SGCZ: variants seen among roughly 807,000 people sequenced by gnomAD.
SGCZ encodes the protein zeta-sarcoglycan.
A neutral mutation model predicts 41.3 loss-of-function variants in SGCZ; 40 were observed. That is an observed-to-expected ratio of 0.97 (90% CI 0.75 to 1.26). The LOEUF (loss-of-function observed/expected upper bound fraction) is 1.26. SGCZ is among the 50% of genes most tolerant of loss of function. The probability of loss-of-function intolerance (pLI) is 0.00; values close to 1 mark genes in which losing one functional copy is unlikely to be tolerated. For missense variants in SGCZ, 552 were observed against 369.8 expected (o/e 1.49, Z -4.04); for synonymous variants, 206 against 137.5 (o/e 1.50, Z -3.49).
At chr8:15,234,220 A>G (rs531725791) in intron 1 of SGCZ, among the ~76,000 whole-genome samples, 2 of 152,306 alleles carry the variant, frequency 1.3e-5, no homozygotes, top group Admixed American at 1.3e-4. Flanking sequence ...ATAAAGGCTA[A>G]AGCTAGCAGT....
intron 1 of SGCZ, among the ~76,000 whole-genome samples, chr8:14,617,693 G>T (rs987477674): frequency 2.0e-5 from 3 of 152,130 alleles, no homozygotes; most frequent in Admixed American, 2.0e-4. Context: ...CGTCAAGAAA[G>T]AGTAGTATTT....
At chr8:14,374,128 G>A (rs987612196) in intron 2 of SGCZ, among the ~76,000 whole-genome samples, 6 of 152,060 alleles carry the variant, frequency 3.9e-5, no homozygotes, top group Admixed American at 2.0e-4. Flanking sequence ...CTATAATCCC[G>A]GCACTTTGGA....
chr8:14,402,071 C>G (rs76399822), intron 2 of SGCZ, among the ~76,000 whole-genome samples: 49,258 of 152,040 alleles, frequency 0.32, 8,236 homozygotes, highest in African/African-American at 0.4. Context: ...TGTTTTTAGG[C>G]TGCATAAATG....
At chr8:15,219,294 A>G (rs1038227949) in intron 1 of SGCZ, among the ~76,000 whole-genome samples, 1 of 152,162 alleles carries the variant, frequency 6.6e-6, no homozygotes, top group South Asian at 2.1e-4. Context: ...ACATATATAC[A>G]TATAAGTATG....
At chr8:15,205,146 T>TA (rs1355207745) in intron 1 of SGCZ, among the ~76,000 whole-genome samples, 1 of 152,060 alleles carries the variant, frequency 6.6e-6, no homozygotes, top group African/African-American at 2.4e-5. Flanking sequence ...CCCAAAACTA[T>TA]AAAAGCCCTG....
intron 1 of SGCZ, among the ~76,000 whole-genome samples, chr8:15,138,488 TCC>T (rs1011603439): frequency 1.3e-5 from 2 of 151,988 alleles, no homozygotes; most frequent in African/African-American, 2.4e-5. Context: ...GAATTGTAGC[TCC>T]CATAATCCCC....
At position 14,855,863 on chromosome 8, in the gene SGCZ, A is replaced by T. The variant is rs566579003; in HGVS notation, c.40-300937T>A. On this transcript the variant is annotated intron_variant, in intron 1 of 7. Transcript: ENST00000382080. Reference sequence around the variant, plus strand: ...TAGAATTCTAAGGCTTTCACTTCTGATGACTCACAATGTTGGTGATTTGAG... The same window carrying T: ...TAGAATTCTAAGGCTTTCACTTCTGTTGACTCACAATGTTGGTGATTTGAG... Among the ~76,000 whole-genome samples, 6 of 152,254 alleles carry T rather than the reference A, an allele frequency of 3.9e-5. No individual in the cohort carries two copies. The East Asian group carries it at 1.2e-3, about 29-fold the overall frequency.
Position 14,853,654 on chromosome 8 carries a change from A to G in SGCZ, c.40-298728T>C, listed in dbSNP as rs1366056136. On this transcript the variant is annotated intron_variant, in intron 1 of 7. Coordinates refer to ENST00000382080, the MANE Select transcript of SGCZ (RefSeq NM_139167.4). ...ACTGAATCTAAATAGATTGTCATCAATCATTGGCAGTTCCTAGAATGACAA... is the reference window on the plus strand; with the variant it reads ...ACTGAATCTAAATAGATTGTCATCAGTCATTGGCAGTTCCTAGAATGACAA... 9.4e-6 allele frequency: 3 copies of G among 318,726 alleles called. No homozygotes were observed. In the East Asian group the frequency reaches 2.5e-4, roughly 26 times the overall value. 19.7% of individuals were successfully genotyped at this position (318,726 alleles called of 1,614,324 possible). A position where few individuals can be genotyped will look rare whatever the true frequency, so the allele number is the denominator to read the frequency against.
chr8:14,809,161 C>T (rs974140337), intron 1 of SGCZ, among the ~76,000 whole-genome samples: 8 of 151,642 alleles, frequency 5.3e-5, no homozygotes, highest in South Asian at 4.2e-4. Flanking sequence ...AGCACACCAG[C>T]GTGGCACATG....
At chr8:14,764,812 A>G (rs1283683526) in intron 1 of SGCZ, among the ~76,000 whole-genome samples, 1 of 152,238 alleles carries the variant, frequency 6.6e-6, no homozygotes. Context: ...ATTGTTGAAT[A>G]ATGAACATGC....
chr8:14,840,136 T>A (rs903815612), intron 1 of SGCZ, among the ~76,000 whole-genome samples: 1 of 152,126 alleles, frequency 6.6e-6, no homozygotes, highest in East Asian at 1.9e-4. Flanking sequence ...TAAAATATTG[T>A]TAATATGATT....
rs555346459 is a variant in SGCZ at position 14,127,819 on chromosome 8, G to T, written c.548-19584C>A. 2.0e-5 allele frequency among the ~76,000 whole-genome samples: 3 copies of T among 152,056 alleles called. No homozygotes were observed. In the South Asian group the frequency reaches 6.2e-4, roughly 32 times the overall value. ...ATACATGTGAAGGGTTATTACATAGGTAAACTCATGTCACAGGGGATTTTT... is the reference window on the plus strand; with the variant it reads ...ATACATGTGAAGGGTTATTACATAGTTAAACTCATGTCACAGGGGATTTTT... On this transcript the variant is annotated intron_variant, in intron 5 of 7. Coordinates refer to ENST00000382080, the MANE Select transcript of SGCZ (RefSeq NM_139167.4).
At chr8:14,988,339 C>A (rs926513439) in intron 1 of SGCZ, among the ~76,000 whole-genome samples, 1 of 151,878 alleles carries the variant, frequency 6.6e-6, no homozygotes, top group Non-Finnish European at 1.5e-5. Flanking sequence ...ATATACCATA[C>A]TTTCTTTTTT....
chr8:14,386,159 C>A (rs1029096811), intron 2 of SGCZ, among the ~76,000 whole-genome samples: 2 of 152,058 alleles, frequency 1.3e-5, no homozygotes, highest in African/African-American at 4.8e-5. Context: ...ATTACACTTG[C>A]ATTTCTCAGG....
intron 1 of SGCZ, among the ~76,000 whole-genome samples, chr8:15,080,328 G>C (rs1184709086): frequency 2.0e-5 from 3 of 151,960 alleles, no homozygotes; most frequent in African/African-American, 4.8e-5. Context: ...GGACTCTGTG[G>C]GTCAATCTGA....
intron 1 of SGCZ, among the ~76,000 whole-genome samples, chr8:14,631,437 A>G (rs1371052252): frequency 1.3e-5 from 2 of 151,904 alleles, no homozygotes; most frequent in Non-Finnish European, 2.9e-5. Context: ...GAAACTGGCC[A>G]TAGTGGAGGT....
intron 1 of SGCZ, among the ~76,000 whole-genome samples, chr8:14,866,604 G>A (rs577716223): frequency 2.6e-5 from 4 of 152,088 alleles, no homozygotes; most frequent in African/African-American, 9.6e-5. Context: ...GAGTCCAGGA[G>A]TTTGAGACCA....
intron 1 of SGCZ, among the ~76,000 whole-genome samples, chr8:14,674,516 T>C (rs1429689591): frequency 1.3e-5 from 2 of 152,184 alleles, no homozygotes; most frequent in Non-Finnish European, 2.9e-5. Context: ...GAAAATAAAA[T>C]GTGTAGTTTA....
intron 3 of SGCZ, among the ~76,000 whole-genome samples, chr8:14,274,794 C>T (rs1800174205): frequency 6.6e-6 from 1 of 151,850 alleles, no homozygotes; most frequent in Admixed American, 6.6e-5. Flanking sequence ...ATAAGAAACA[C>T]TATTATCAAA....
Sources: gnomAD v4.1 joint callset for allele counts (sites outside exome capture counted in the v4.1 genomes callset) on GRCh38, gnomAD v4.1.1 for gene constraint, MANE v1.5 for transcripts, NCBI Gene and HGNC (gene_info 2026-07-23, HGNC 2026-07-21) for gene names.